BICRAL: variants seen among roughly 807,000 people sequenced by gnomAD.
BICRAL encodes the protein BRD4-interacting chromatin-remodeling complex-associated protein-like.
In BICRAL, 8 loss-of-function variants were observed where a neutral mutation model predicts 91.8. That is an observed-to-expected ratio of 0.09 (90% CI 0.05 to 0.16). The LOEUF is 0.16. BICRAL is among the 10% of genes least tolerant of loss of function. BICRAL has a pLI of 1.00. For missense variants in BICRAL, 1,038 were observed against 1,310.9 expected, an observed-to-expected ratio of 0.79 and a Z score of 3.21; for synonymous variants, 445 against 491.1, an observed-to-expected ratio of 0.91 and a Z score of 1.24.
rs564491667 is a variant in BICRAL, at chr6:42,850,655, G to T, written c.1840-1437G>T. On this transcript the variant is annotated intron_variant, in intron 6 of 12. Transcript: ENST00000314073. ...AATCCCAGCATTTTGGGAGGCTGAGGCGGGCGGATAACAAGGTCAGGAGTT... is the reference window on the plus strand; with the variant it reads ...AATCCCAGCATTTTGGGAGGCTGAGTCGGGCGGATAACAAGGTCAGGAGTT... Among the ~76,000 whole-genome samples the T allele has an allele frequency of 1.1e-3, 165 of 152,234 alleles. 2 individuals carry two copies. The highest frequency in any genetic ancestry group is 9.4e-4 in the Non-Finnish European group (64 of 68,010).
chr6:42,839,377 C>T (rs1255001654), intron 6 of BICRAL, among the ~76,000 whole-genome samples: 1 of 152,048 alleles, frequency 6.6e-6, no homozygotes, highest in Non-Finnish European at 1.5e-5. Context: ...CTCCTGGGGT[C>T]AAGCGATCTT....
intron 1 of BICRAL, among the ~76,000 whole-genome samples, chr6:42,766,729 C>A (rs1762637863): frequency 6.6e-6 from 1 of 151,984 alleles, no homozygotes; most frequent in African/African-American, 2.4e-5. Flanking sequence ...ATCCGAGCTA[C>A]TCGGGAGTCT....
rs1764377423 is a variant in BICRAL at position 42,828,693 on chromosome 6, G to A, written c.360G>A (p.Leu120=). The A allele has an allele frequency of 6.2e-7, 1 of 1,613,978 alleles. No individual in the cohort carries two copies. The highest frequency in any genetic ancestry group is 8.5e-7 in the Non-Finnish European group (1 of 1,180,010). ...LQEANITEQT[L]AEEAYLDASI... is the part of the protein sequence containing the mutation. Reference sequence around the variant, plus strand: ...AGGCCAATATCACTGAACAGACATTGGCAGAAGAGGCATATTTGGATGCCA... The same window carrying A: ...AGGCCAATATCACTGAACAGACATTAGCAGAAGAGGCATATTTGGATGCCA... Residue 120 remains leucine (L), a synonymous_variant, in exon 6 of 13, where the codon TTG becomes TTA. Coordinates refer to ENST00000314073, the MANE Select transcript of BICRAL (RefSeq NM_001393499.1).
intron 2 of BICRAL, among the ~76,000 whole-genome samples, chr6:42,818,651 T>C (rs920628459): frequency 6.6e-5 from 10 of 151,626 alleles, no homozygotes; most frequent in Non-Finnish European, 1.5e-4. Flanking sequence ...TCCAAGATTG[T>C]TAAAAAAAAA....
At chr6:42,836,688 C>A in intron 6 of BICRAL, among the ~76,000 whole-genome samples, 1 of 139,970 alleles carries the variant, frequency 7.1e-6, no homozygotes, top group Admixed American at 7.6e-5. Context: ...GTGGCACAAT[C>A]TCAGCTCACT....
At chr6:42,800,804 TTTTG>T (rs1266648956) in intron 1 of BICRAL, among the ~76,000 whole-genome samples, 2 of 152,208 alleles carry the variant, frequency 1.3e-5, no homozygotes, top group Non-Finnish European at 2.9e-5. Context: ...TAAAATGGAA[TTTTG>T]TTTGTTAACA....
intron 10 of BICRAL, among the ~76,000 whole-genome samples, chr6:42,857,503 A>G (rs1221314191): frequency 6.6e-6 from 1 of 151,166 alleles, no homozygotes; most frequent in East Asian, 1.9e-4. Flanking sequence ...CAAGAAGATC[A>G]TGTGAGCCCA....
intron 1 of BICRAL, among the ~76,000 whole-genome samples, chr6:42,765,479 C>T (rs1762617284): frequency 1.3e-5 from 2 of 152,182 alleles, no homozygotes; most frequent in South Asian, 2.1e-4. Flanking sequence ...GAGCAAGCCA[C>T]GCCCCCTGCT....
chr6:42,758,845 G>A (rs1762500900), intron 1 of BICRAL, among the ~76,000 whole-genome samples: 1 of 152,138 alleles, frequency 6.6e-6, no homozygotes, highest in African/African-American at 2.4e-5. Context: ...ACTTTTCTAG[G>A]TGTTGGGACT....
intron 6 of BICRAL, among the ~76,000 whole-genome samples, chr6:42,844,894 G>A (rs1175469107): frequency 6.6e-6 from 1 of 152,138 alleles, no homozygotes; most frequent in Non-Finnish European, 1.5e-5. Context: ...TGTAGACAGA[G>A]GAGGGACACC....
chr6:42,778,383 G>C (rs1762831471), upstream of BICRAL, among the ~76,000 whole-genome samples: 2 of 152,174 alleles, frequency 1.3e-5, no homozygotes, highest in Admixed American at 1.3e-4. Flanking sequence ...GCAAATTGCT[G>C]AAACTATCCT....
chr6:42,845,497 A>G (rs569735619), intron 6 of BICRAL, among the ~76,000 whole-genome samples: 1 of 151,394 alleles, frequency 6.6e-6, no homozygotes, highest in Non-Finnish European at 1.5e-5. Flanking sequence ...TGTTTGGGAG[A>G]TGTGTTTTGT....
chr6:42,864,835 C>A lies in BICRAL; in HGVS notation c.2629C>A (p.Gln877Lys). 2 of 1,614,184 alleles carry A rather than the reference C, an allele frequency of 1.2e-6. No homozygotes were observed. Among genetic ancestry groups the A allele is most frequent in the South Asian group, 1.1e-5 (1 of 91,088 alleles). Reference sequence around the variant, plus strand: ...TGTGACGGAACCCATGAATCATGACCAGTTTCATCTAGTGCCTAATCACAT... The same window carrying A: ...TGTGACGGAACCCATGAATCATGACAAGTTTCATCTAGTGCCTAATCACAT... ...TGVTEPMNHD[Q>K]FHLVPNHIVV... is the part of the protein sequence containing the mutation. The change falls in exon 13 of 13, where the codon CAG (glutamine) becomes AAG (lysine). Residue 877 changes from glutamine (Q) to lysine (K), a missense_variant. Transcript: ENST00000314073.
rs1186514975 is a variant in BICRAL, at chr6:42,788,891, AT to A, written c.-102+6801del. 1.9e-3 allele frequency among the ~76,000 whole-genome samples: 285 copies of A among 148,486 alleles called. 1 individual carries two copies. The highest frequency in any genetic ancestry group is 6.0e-3 in the African/African-American group (244 of 40,636). On this transcript the variant is annotated intron_variant, in intron 1 of 12. Transcript: ENST00000314073. Reference sequence around the variant, plus strand: ...ACCAGTCAGCTGAGTTAGTTGTGTGATTTTTTTTTTTCTCCTAGCAACATTC... The same window carrying A: ...ACCAGTCAGCTGAGTTAGTTGTGTGATTTTTTTTTTCTCCTAGCAACATTC...
At chr6:42,781,646 T>C (rs112850080), upstream of BICRAL, among the ~76,000 whole-genome samples, 2,101 of 148,988 alleles carry the variant, frequency 0.014, 69 homozygotes, top group African/African-American at 0.049. Context: ...GCAAGAGAAT[T>C]AGCACGCACC....
chr6:42,790,330 ATTTTTTTTTT>A (rs70990136), intron 1 of BICRAL, among the ~76,000 whole-genome samples: 2 of 87,824 alleles, frequency 2.3e-5, no homozygotes, highest in African/African-American at 1.1e-4. Flanking sequence ...AGATAATTTA[ATTTTTTTTTT>A]TTTTTTTTTT....
chr6:42,770,104 A>G (rs1389456872), intron 1 of BICRAL, among the ~76,000 whole-genome samples: 1 of 152,144 alleles, frequency 6.6e-6, no homozygotes, highest in East Asian at 1.9e-4. Flanking sequence ...TTTGCCAAAT[A>G]CACTCTCTTA....
chr6:42,755,095 A>G (rs1288467685), intron 1 of BICRAL, among the ~76,000 whole-genome samples: 1 of 152,170 alleles, frequency 6.6e-6, no homozygotes, highest in Non-Finnish European at 1.5e-5. Flanking sequence ...ATGAGGAGAA[A>G]AGGGTGGAGG....
intron 1 of BICRAL, among the ~76,000 whole-genome samples, chr6:42,759,496 G>A (rs1009694188): frequency 2.0e-5 from 3 of 152,178 alleles, no homozygotes; most frequent in African/African-American, 7.2e-5. Flanking sequence ...AAGGGGGAGT[G>A]TCTGAGAGAT....
Sources: gnomAD v4.1 joint callset for allele counts (sites outside exome capture counted in the v4.1 genomes callset) on GRCh38, gnomAD v4.1.1 for gene constraint, MANE v1.5 for transcripts, NCBI Gene and HGNC (gene_info 2026-07-23, HGNC 2026-07-21) for gene names.